GLB1: variants seen among roughly 807,000 people sequenced by gnomAD.
The protein encoded by GLB1 is galactosidase beta 1, also known as beta-galactosidase.
GLB1 carries 56 observed loss-of-function variants against 74.0 expected under a neutral mutation model. The ratio of observed to expected loss-of-function variants is 0.76; its 90% confidence interval spans 0.61 to 0.94. The LOEUF (loss-of-function observed/expected upper bound fraction) is 0.94. Ranked by LOEUF, GLB1 falls within the 40% of genes least tolerant of loss-of-function variation. GLB1 has a pLI of 0.00. For missense variants in GLB1, 787 were observed against 845.5 expected, an observed-to-expected ratio of 0.93 and a Z score of 0.86; for synonymous variants, 323 against 323.6, an observed-to-expected ratio of 1.00 and a Z score of 0.02.
At chr3:32,987,048 C>T in the GLB1 span, among the ~76,000 whole-genome samples, 56,022 of 152,008 alleles carry the variant, frequency 0.37, 10,797 homozygotes, top group African/African-American at 0.49. Context: ...CTACCATGAG[C>T]GTTGGCTGCT....
chr3:33,065,433 C>G (rs1231130805), intron 5 of GLB1, 30 bp downstream of exon 5: 1 of 1,559,794 alleles, frequency 6.4e-7, no homozygotes, highest in East Asian at 2.4e-5. Flanking sequence ...ACCCCTCCCC[C>G]AATCCATCCA....
At chr3:33,017,166 G>A (rs752140820) in intron 13 of GLB1, among the ~76,000 whole-genome samples, 2 of 152,114 alleles carry the variant, frequency 1.3e-5, no homozygotes, top group Admixed American at 6.5e-5. Flanking sequence ...TAGCTGCTTC[G>A]TGTTCTGACA....
chr3:33,022,457 T>A (rs1337128551), intron 11 of GLB1, among the ~76,000 whole-genome samples: 1 of 151,906 alleles, frequency 6.6e-6, no homozygotes, highest in Non-Finnish European at 1.5e-5. Context: ...ACTGTCCCTG[T>A]GTTGTGGAGA....
chr3:32,967,973 C>T, the GLB1 span, among the ~76,000 whole-genome samples: 98 of 152,270 alleles, frequency 6.4e-4, no homozygotes, highest in African/African-American at 1.9e-3. Flanking sequence ...GATCACCTCC[C>T]GGGGAATGAC....
At chr3:33,058,002 T>C (rs1699288237) in intron 6 of GLB1, 87 bp downstream of exon 6, 2 of 1,541,384 alleles carry the variant, frequency 1.3e-6, no homozygotes, top group East Asian at 2.3e-5. Context: ...AATCTGCCCA[T>C]GACACTTATA....
At chr3:33,083,448 G>C (rs1700395974) in intron 1 of GLB1, among the ~76,000 whole-genome samples, 1 of 148,232 alleles carries the variant, frequency 6.7e-6, no homozygotes, top group African/African-American at 2.5e-5. Context: ...GGAGGAAAAA[G>C]GAGACAGAGA....
chr3:33,011,459 CAAAAAAT>C lies in GLB1; in HGVS notation c.1734+2590_1734+2596del, dbSNP rs1697021022. 2.1e-5 allele frequency among the ~76,000 whole-genome samples: 3 copies of C among 141,962 alleles called. No individual in the cohort carries two copies. The East Asian group carries it at 6.4e-4, about 30-fold the overall frequency. 93.1% of individuals were successfully genotyped at this position (141,962 alleles called of 152,430 possible). ...GTCTCCAATAAAAATAAAAAAAAAACAAAAAATAAAAAATAAAATAAAAATAATAAAA... is the reference window on the plus strand; with the variant it reads ...GTCTCCAATAAAAATAAAAAAAAAACAAAAAATAAAATAAAAATAATAAAA... On this transcript the variant is annotated intron_variant, in intron 15 of 15. Transcript: ENST00000307363.
chr3:32,977,151 G>A, the GLB1 span, among the ~76,000 whole-genome samples: 14 of 151,974 alleles, frequency 9.2e-5, no homozygotes, highest in Admixed American at 6.6e-4. Flanking sequence ...ATGAGAAAGT[G>A]AGCCTTCCAG....
chr3:33,011,474 A>G (rs2125459960), intron 15 of GLB1, among the ~76,000 whole-genome samples: 1 of 150,590 alleles, frequency 6.6e-6, no homozygotes, highest in Admixed American at 6.6e-5. Flanking sequence ...AATAAAAAAT[A>G]AAATAAAAAT....
chr3:33,091,132 A>C, intron 1 of GLB1: 1 of 985,472 alleles, frequency 1.0e-6, no homozygotes, highest in Non-Finnish European at 1.2e-6. Context: ...AGGATGATTC[A>C]CAAAATGCGG....
chr3:33,001,481 G>A (rs937029801), intron 15 of GLB1, among the ~76,000 whole-genome samples: 7 of 152,038 alleles, frequency 4.6e-5, no homozygotes, highest in Admixed American at 1.3e-4. Flanking sequence ...CTCAGGCAGG[G>A]CCACGACCCT....
At chr3:33,035,241 G>A (rs370904924) in intron 10 of GLB1, among the ~76,000 whole-genome samples, 3 of 151,968 alleles carry the variant, frequency 2.0e-5, no homozygotes, top group South Asian at 4.2e-4. Context: ...AGAGCAGCCC[G>A]GGCAACATAG....
At chr3:33,075,683 T>TGAGGG (rs1272447159) in intron 1 of GLB1, among the ~76,000 whole-genome samples, 1 of 152,046 alleles carries the variant, frequency 6.6e-6, no homozygotes, top group Non-Finnish European at 1.5e-5. Flanking sequence ...ATGGCAGGGT[T>TGAGGG]GAGGGGAGGG....
At chr3:33,070,152 T>G (rs762481777) in intron 2 of GLB1, among the ~76,000 whole-genome samples, 4 of 152,214 alleles carry the variant, frequency 2.6e-5, no homozygotes, top group Non-Finnish European at 4.4e-5. Flanking sequence ...TTTTGTGATT[T>G]TTGTAGTATT....
rs1397229881 is a variant in GLB1 at position 33,094,027 on chromosome 3, G to A, written c.75+2984C>T. The A allele has an allele frequency of 6.2e-7, 1 of 1,614,256 alleles. No homozygotes were observed. The highest frequency in any genetic ancestry group is 2.2e-5 in the East Asian group (1 of 44,888). On this transcript the variant is annotated intron_variant, in intron 1 of 15. Transcript: ENST00000307363. ...CGCCAAATGTAGAGGGAGCCAATGAGCAAGAGCGAGTTGACAAACAGGGCA... is the reference window on the plus strand; with the variant it reads ...CGCCAAATGTAGAGGGAGCCAATGAACAAGAGCGAGTTGACAAACAGGGCA...
the GLB1 span, among the ~76,000 whole-genome samples, chr3:32,987,762 G>A: frequency 1.3e-5 from 2 of 152,178 alleles, no homozygotes; most frequent in South Asian, 2.1e-4. Flanking sequence ...TCAATGCCCA[G>A]CATGTATTAG....
intron 10 of GLB1, among the ~76,000 whole-genome samples, chr3:33,025,091 A>T (rs1173668319): frequency 6.6e-6 from 1 of 152,106 alleles, no homozygotes; most frequent in Non-Finnish European, 1.5e-5. Flanking sequence ...GACTACAAGC[A>T]TGCACCACCA....
the GLB1 span, among the ~76,000 whole-genome samples, chr3:32,987,594 G>A: frequency 3.3e-5 from 5 of 152,192 alleles, no homozygotes; most frequent in Non-Finnish European, 1.5e-5. Context: ...TGGTGCCCAT[G>A]AGACTGCATT....
At chr3:33,091,630 G>A (rs375997439) in intron 1 of GLB1, 4 of 984,310 alleles carry the variant, frequency 4.1e-6, no homozygotes, top group Non-Finnish European at 2.4e-6. Context: ...AAACAATCTT[G>A]AGGTAGATAC....
Sources: gnomAD v4.1 joint callset for allele counts (sites outside exome capture counted in the v4.1 genomes callset) on GRCh38, gnomAD v4.1.1 for gene constraint, MANE v1.5 for transcripts, NCBI Gene and HGNC (gene_info 2026-07-23, HGNC 2026-07-21) for gene names.